SLIT2: variants seen among roughly 807,000 people sequenced by gnomAD.
SLIT2 encodes slit guidance ligand 2, also known as slit homolog 2 protein.
In SLIT2, 41 loss-of-function variants were observed where a neutral mutation model predicts 185.7. The ratio of observed to expected loss-of-function variants is 0.22; its 90% CI spans 0.17 to 0.29. The LOEUF (loss-of-function observed/expected upper bound fraction) is 0.29. SLIT2 is among the 10% of genes least tolerant of loss of function. The pLI, the probability that SLIT2 is intolerant of heterozygous loss-of-function variation, is 1.00. For missense variants in SLIT2, 1,571 were observed against 1,909.0 expected, an observed-to-expected ratio of 0.82 and a Z score of 3.30; for synonymous variants, 693 against 680.2, an observed-to-expected ratio of 1.02 and a Z score of -0.29.
chr4:20,541,450 T>G lies in SLIT2; in HGVS notation c.1977-3T>G. ...CTGTGCATCGTTTGCCTGTGGCTCT[T>G]AGAAACCTCTTGGCCAATCCTTTTA... is the stretch of plus-strand genomic sequence containing the variant. On this transcript the variant is annotated splice_region_variant and splice_polypyrimidine_tract_variant and intron_variant, in intron 19 of 36. Coordinates refer to ENST00000504154, the MANE Select transcript of SLIT2 (RefSeq NM_004787.4). The G allele has an allele frequency of 6.2e-7, 1 of 1,613,742 alleles. No individual in the cohort carries two copies. Among genetic ancestry groups the G allele is most frequent in the Non-Finnish European group, 8.5e-7 (1 of 1,179,784 alleles).
chr4:20,386,988 G>A (rs944817840), intron 4 of SLIT2, among the ~76,000 whole-genome samples: 1 of 152,136 alleles, frequency 6.6e-6, no homozygotes, highest in African/African-American at 2.4e-5. Flanking sequence ...GTAGAGACGG[G>A]GTGTGGCTTC....
intron 4 of SLIT2, among the ~76,000 whole-genome samples, chr4:20,407,967 T>G (rs981200469): frequency 2.0e-5 from 3 of 152,124 alleles, no homozygotes; most frequent in Non-Finnish European, 2.9e-5. Flanking sequence ...CCAAGTCTTT[T>G]CAAGCAGATG....
At chr4:20,497,980 T>C (rs1205950157) in intron 9 of SLIT2, among the ~76,000 whole-genome samples, 1 of 152,158 alleles carries the variant, frequency 6.6e-6, no homozygotes, top group Admixed American at 6.5e-5. Context: ...AACACCATCC[T>C]GGCCAAAATG....
chr4:20,372,723 G>A (rs1184438007), intron 4 of SLIT2, among the ~76,000 whole-genome samples: 3 of 151,978 alleles, frequency 2.0e-5, no homozygotes, highest in Non-Finnish European at 4.4e-5. Context: ...TAGACTAGGA[G>A]ACTTTTAAGC....
chr4:20,308,885 A>G (rs962970673), intron 4 of SLIT2, among the ~76,000 whole-genome samples: 3 of 152,290 alleles, frequency 2.0e-5, no homozygotes, highest in Admixed American at 6.5e-5. Context: ...CTAAAAGGAC[A>G]TGGAAAGTTC....
At chr4:20,583,530 G>A (rs1726775055) in intron 29 of SLIT2, among the ~76,000 whole-genome samples, 1 of 152,162 alleles carries the variant, frequency 6.6e-6, no homozygotes, top group African/African-American at 2.4e-5. Flanking sequence ...GTTAGGTTCA[G>A]GCCGGGCACA....
intron 4 of SLIT2, among the ~76,000 whole-genome samples, chr4:20,339,442 C>T (rs551139847): frequency 2.0e-5 from 3 of 152,092 alleles, no homozygotes; most frequent in Non-Finnish European, 4.4e-5. Flanking sequence ...ACAAGAATTT[C>T]AGGAGCAAAA....
chr4:20,423,200 G>A (rs1490983421), intron 4 of SLIT2, among the ~76,000 whole-genome samples: 7 of 152,062 alleles, frequency 4.6e-5, no homozygotes, highest in Admixed American at 3.9e-4. Context: ...CACTGAGATT[G>A]GGGATGATCT....
At chr4:20,339,299 T>A (rs1047721854) in intron 4 of SLIT2, among the ~76,000 whole-genome samples, 22 of 152,070 alleles carry the variant, frequency 1.4e-4, no homozygotes, top group African/African-American at 5.3e-4. Flanking sequence ...TTCTCAGTGG[T>A]CTACTTGGTC....
intron 11 of SLIT2, among the ~76,000 whole-genome samples, chr4:20,513,474 A>T (rs186751242): frequency 4.3e-4 from 66 of 152,316 alleles, no homozygotes; most frequent in Middle Eastern, 3.4e-3. Flanking sequence ...CACATTTGCA[A>T]TAGCTCTTTT....
intron 3 of SLIT2, among the ~76,000 whole-genome samples, chr4:20,266,204 A>T (rs1300546519): frequency 2.0e-5 from 3 of 151,972 alleles, no homozygotes; most frequent in Admixed American, 2.0e-4. Flanking sequence ...CACTTCTTGT[A>T]TCCAGTCTGA....
chr4:20,353,042 A>G (rs1184948947), intron 4 of SLIT2, among the ~76,000 whole-genome samples: 5 of 152,224 alleles, frequency 3.3e-5, no homozygotes, highest in Non-Finnish European at 7.3e-5. Context: ...GCAGCAGTAT[A>G]ACGGAGAAGC....
chr4:20,406,193 C>A (rs924525334), intron 4 of SLIT2, among the ~76,000 whole-genome samples: 1 of 143,954 alleles, frequency 6.9e-6, no homozygotes, highest in Non-Finnish European at 1.5e-5. Context: ...GATGAAAGAC[C>A]AAACAATAAT....
At chr4:20,422,235 T>C (rs1728224522) in intron 4 of SLIT2, among the ~76,000 whole-genome samples, 1 of 152,194 alleles carries the variant, frequency 6.6e-6, no homozygotes, top group Admixed American at 6.5e-5. Flanking sequence ...TATTTTCTAA[T>C]CTGTCTGACT....
intron 30 of SLIT2, among the ~76,000 whole-genome samples, chr4:20,592,957 T>A (rs947030287): frequency 6.6e-6 from 1 of 152,190 alleles, no homozygotes; most frequent in African/African-American, 2.4e-5. Flanking sequence ...GGCTATATAC[T>A]CCCATTTGTT....
intron 4 of SLIT2, among the ~76,000 whole-genome samples, chr4:20,415,366 G>A (rs1244624811): frequency 1.1e-4 from 13 of 122,926 alleles, no homozygotes; most frequent in African/African-American, 4.2e-4. Flanking sequence ...AGCCCAGATC[G>A]CACCACTGCG....
chr4:20,266,954 T>C (rs1402232240), intron 3 of SLIT2, among the ~76,000 whole-genome samples: 1 of 151,964 alleles, frequency 6.6e-6, no homozygotes, highest in Non-Finnish European at 1.5e-5. Flanking sequence ...TTGCTCTGGC[T>C]AGAGAATAAC....
At chr4:20,387,101 G>A (rs1393630895) in intron 4 of SLIT2, among the ~76,000 whole-genome samples, 1 of 152,146 alleles carries the variant, frequency 6.6e-6, no homozygotes, top group African/African-American at 2.4e-5. Flanking sequence ...TGACTGCTGT[G>A]GGTCAGTGAG....
intron 18 of SLIT2, among the ~76,000 whole-genome samples, chr4:20,535,191 C>T (rs1241618458): frequency 1.3e-5 from 2 of 151,734 alleles, no homozygotes; most frequent in African/African-American, 2.4e-5. Flanking sequence ...CCCAGCTACT[C>T]GGGAGGCTGA....
Sources: allele counts gnomAD v4.1 joint callset (sites outside exome capture counted in the v4.1 genomes callset), GRCh38; gene constraint gnomAD v4.1.1; transcripts MANE v1.5; gene names NCBI Gene and HGNC (gene_info 2026-07-23, HGNC 2026-07-21).